Variants in MCTP2 observed in about 807,000 individuals in gnomAD.
MCTP2 encodes the protein multiple C2 and transmembrane domain-containing protein 2.
Under a neutral mutation model 111.6 loss-of-function variants are expected in MCTP2, and 132 were observed. That is an observed-to-expected ratio of 1.18 (90% CI 1.03 to 1.37). The LOEUF (loss-of-function observed/expected upper bound fraction) is 1.37. Among genes scored for constraint, MCTP2 ranks in the 40% most tolerant of loss-of-function variants. The pLI is 0.00. For synonymous variants in MCTP2, 395 were observed against 387.7 expected, an observed-to-expected ratio of 1.02 and a Z score of -0.22; for missense variants, 1,183 against 1,067.9, an observed-to-expected ratio of 1.11 and a Z score of -1.50.
intron 14 of MCTP2, among the ~76,000 whole-genome samples, chr15:94,391,475 C>T (rs968569574): frequency 6.6e-6 from 1 of 152,034 alleles, no homozygotes; most frequent in African/African-American, 2.4e-5. Flanking sequence ...TTGGCAAATT[C>T]CATGTAAGTC....
At chr15:94,434,093 CTTTTT>C (rs145320801) in intron 17 of MCTP2, among the ~76,000 whole-genome samples, 2 of 149,122 alleles carry the variant, frequency 1.3e-5, no homozygotes, top group African/African-American at 4.9e-5. Context: ...TTGATGAAGT[CTTTTT>C]TTTTTATTTT....
chr15:94,439,713 G>A (rs915111393), intron 17 of MCTP2, among the ~76,000 whole-genome samples: 9 of 152,100 alleles, frequency 5.9e-5, no homozygotes, highest in East Asian at 1.9e-4. Flanking sequence ...ATATAGTCTC[G>A]AAATTGGTAG....
At chr15:94,458,661 A>G (rs1437522739) in intron 20 of MCTP2, among the ~76,000 whole-genome samples, 1 of 152,202 alleles carries the variant, frequency 6.6e-6, no homozygotes, top group Non-Finnish European at 1.5e-5. Flanking sequence ...CAATTCTCCA[A>G]AGAAAGATAC....
intron 20 of MCTP2, among the ~76,000 whole-genome samples, chr15:94,469,403 G>GA (rs2073717340): frequency 6.6e-6 from 1 of 152,230 alleles, no homozygotes; most frequent in Non-Finnish European, 1.5e-5. Context: ...GGAGCTCTGT[G>GA]AAAATAATAC....
intron 10 of MCTP2, among the ~76,000 whole-genome samples, chr15:94,359,194 C>T (rs145126421): frequency 7.1e-4 from 108 of 152,214 alleles, no homozygotes; most frequent in African/African-American, 1.9e-3. Context: ...CTGTAACCCG[C>T]GTACAGTAAG....
In MCTP2 at chr15:94,471,759, G is replaced by GAA. The variant is rs200725385; in HGVS notation, c.2470+1332_2470+1333dup. 6.5e-3 allele frequency among the ~76,000 whole-genome samples: 859 copies of GAA among 131,670 alleles called. 5 individuals are homozygous for GAA. The highest frequency in any genetic ancestry group is 0.011 in the Admixed American group (136 of 12,920). The allele number at this position is 131,670 out of a possible 152,430, so 86.4% of individuals were successfully genotyped here. On this transcript the variant is annotated intron_variant, in intron 21 of 22. Coordinates refer to ENST00000357742, the MANE Select transcript of MCTP2 (RefSeq NM_001385001.1). ...GCCACTGATTAAGAAGGCATATTTT[G>GAA]AAAAAAAAAAAAAAAAGTATTTTCC...
intron 4 of MCTP2, among the ~76,000 whole-genome samples, chr15:94,329,866 T>C (rs1361692494): frequency 2.0e-5 from 3 of 152,150 alleles, no homozygotes; most frequent in African/African-American, 7.2e-5. Context: ...ACAATACCCT[T>C]CCATTAACTA....
chr15:94,360,630 A>G (rs1469163475), intron 10 of MCTP2, among the ~76,000 whole-genome samples: 1 of 152,202 alleles, frequency 6.6e-6, no homozygotes, highest in Admixed American at 6.5e-5. Flanking sequence ...GCATTTCACA[A>G]GTCATTGTGC....
chr15:94,270,373 T>C (rs2073841924), intron 1 of MCTP2, among the ~76,000 whole-genome samples: 1 of 152,202 alleles, frequency 6.6e-6, no homozygotes, highest in Non-Finnish European at 1.5e-5. Context: ...ATGATGTATG[T>C]AAAGCAGTGA....
chr15:94,342,377 G>A (rs972922339), intron 7 of MCTP2: 13 of 152,082 alleles, frequency 8.5e-5, no homozygotes, highest in Non-Finnish European at 1.5e-4. Flanking sequence ...ATCTCAAAGA[G>A]ACTATGTTTT....
At position 94,470,421 on chromosome 15, in the gene MCTP2, C is replaced by G; in HGVS notation, c.2449C>G (p.Arg817Gly). ...CATCATTTTGTATTTCATTCCACTG[C>G]GGTACATCATTTTAATCTGGGGTAA... ...ATIILYFIPL[R>G]YIILIWGINK... The change falls in exon 21 of 23, where the codon CGG becomes GGG. Residue 817 changes from arginine (R) to glycine (G), a missense_variant. Arg to Gly is a moderately radical substitution (Grantham distance 125). Coordinates refer to ENST00000357742, the MANE Select transcript of MCTP2 (RefSeq NM_001385001.1). 1 of 1,610,842 alleles carries G rather than the reference C, an allele frequency of 6.2e-7. No homozygotes were observed. The highest frequency in any genetic ancestry group is 8.5e-7 in the Non-Finnish European group (1 of 1,177,080).
In MCTP2 at chr15:94,483,583, C is replaced by T. The variant is rs1395615704; in HGVS notation, c.*4549C>T. The T allele has an allele frequency of 2.0e-5, 3 of 152,106 alleles. No homozygotes were observed. Among genetic ancestry groups the T allele is most frequent in the Non-Finnish European group, 4.4e-5 (3 of 68,004 alleles). The allele number at this position is 152,106 out of a possible 1,614,324, so 9.4% of individuals were successfully genotyped here. ...CTTGGATACAGCTGGAGGCCATTATCCTTAGCAAACTAATGCAGCAACAGA... is the reference window on the plus strand; with the variant it reads ...CTTGGATACAGCTGGAGGCCATTATTCTTAGCAAACTAATGCAGCAACAGA... On this transcript the variant is annotated 3_prime_UTR_variant, in exon 23 of 23. Coordinates refer to ENST00000357742, the MANE Select transcript of MCTP2 (RefSeq NM_001385001.1).
At chr15:94,383,497 A>G (rs1201408474) in intron 12 of MCTP2, among the ~76,000 whole-genome samples, 1 of 152,196 alleles carries the variant, frequency 6.6e-6, no homozygotes, top group Non-Finnish European at 1.5e-5. Context: ...AGGCTGGGTA[A>G]TTTATAAAAG....
chr15:94,446,189 T>C (rs2152515722), intron 19 of MCTP2, among the ~76,000 whole-genome samples: 1 of 152,326 alleles, frequency 6.6e-6, no homozygotes, highest in East Asian at 1.9e-4. Flanking sequence ...AGGGATAACA[T>C]AGAACTTTCA....
At chr15:94,350,068 C>T (rs992959509) in intron 8 of MCTP2, among the ~76,000 whole-genome samples, 1 of 152,170 alleles carries the variant, frequency 6.6e-6, no homozygotes, top group Non-Finnish European at 1.5e-5. Context: ...GAGGTGCAGC[C>T]ATCTTTGAAC....
At chr15:94,424,737 T>G (rs2082796019) in intron 17 of MCTP2, among the ~76,000 whole-genome samples, 1 of 152,216 alleles carries the variant, frequency 6.6e-6, no homozygotes, top group African/African-American at 2.4e-5. Flanking sequence ...ATCTGACTTC[T>G]TAATTTTGTC....
chr15:94,355,247 T>C (rs958183897), intron 8 of MCTP2, among the ~76,000 whole-genome samples: 1 of 152,228 alleles, frequency 6.6e-6, no homozygotes, highest in African/African-American at 2.4e-5. Context: ...GATTTTGCTT[T>C]AAGATATTTC....
chr15:94,315,633 C>A lies in MCTP2; in HGVS notation c.633C>A (p.Arg211=), dbSNP rs1169391326. The change falls in exon 4 of 23, where the codon CGC becomes CGA. Residue 211 remains arginine, a synonymous_variant. Coordinates refer to ENST00000357742, the MANE Select transcript of MCTP2 (RefSeq NM_001385001.1). ...GCCGGAACCTGGTTGTCCGAGATCGCTGTGGTAAGACCTGGGTCTGTTATG... is the reference window on the plus strand; with the variant it reads ...GCCGGAACCTGGTTGTCCGAGATCGATGTGGTAAGACCTGGGTCTGTTATG... ...KEGRNLVVRD[R]CGTSDPYVKF... The A allele has an allele frequency of 6.2e-7, 1 of 1,612,744 alleles. No homozygotes were observed.
Position 94,470,337 on chromosome 15 carries a change from T to G in MCTP2, c.2365T>G (p.Phe789Val), listed in dbSNP as rs2073815036. 1 of 1,610,610 alleles carries G rather than the reference T, an allele frequency of 6.2e-7. No homozygotes were observed. The highest frequency in any genetic ancestry group is 1.7e-5 in the Admixed American group (1 of 59,996). The change falls in exon 21 of 23, where the codon TTT (phenylalanine) becomes GTT (valine). Residue 789 changes from phenylalanine (F) to valine (V), a missense_variant. Coordinates refer to ENST00000357742, the MANE Select transcript of MCTP2 (RefSeq NM_001385001.1). Reference sequence around the variant, plus strand: ...ATTTATGTGGTTTGTCTACAGCACATTTAACTGGACGGTCCCCTTCCTTTC... The same window carrying G: ...ATTTATGTGGTTTGTCTACAGCACAGTTAACTGGACGGTCCCCTTCCTTTC... ...ASFGERIKNT[F>V]NWTVPFLSSL...
Sources: gnomAD v4.1 joint callset for allele counts (sites outside exome capture counted in the v4.1 genomes callset) on GRCh38, gnomAD v4.1.1 for gene constraint, MANE v1.5 for transcripts, NCBI Gene and HGNC (gene_info 2026-07-23, HGNC 2026-07-21) for gene names.